ARID3A: variants seen among roughly 807,000 people sequenced by gnomAD.
The protein encoded by ARID3A is AT-rich interactive domain-containing protein 3A.
A neutral mutation model predicts 52.7 loss-of-function variants in ARID3A; 11 were observed. The ratio of observed to expected loss-of-function variants is 0.21; its 90% CI spans 0.13 to 0.35. The LOEUF (loss-of-function observed/expected upper bound fraction) is 0.35, where lower values mean the gene tolerates loss of function less well. Ranked by LOEUF, ARID3A falls within the 10% of genes least tolerant of loss-of-function variation. The probability of loss-of-function intolerance (pLI) is 1.00; values close to 1 mark genes in which losing one functional copy is unlikely to be tolerated. For missense variants in ARID3A, 721 were observed against 838.5 expected, an observed-to-expected ratio of 0.86 and a Z score of 1.73; for synonymous variants, 404 against 359.4, an observed-to-expected ratio of 1.12 and a Z score of -1.40.
intron 3 of ARID3A, among the ~76,000 whole-genome samples, chr19:952,981 CA>C (rs894795084): frequency 2.6e-5 from 4 of 152,162 alleles, no homozygotes; most frequent in African/African-American, 9.7e-5. Flanking sequence ...GGAGGGGCCG[CA>C]TGTGCTGGCC....
chr19:952,441 CAAAAAA>C (rs10663796), intron 3 of ARID3A, among the ~76,000 whole-genome samples: 161 of 59,774 alleles, frequency 2.7e-3, no homozygotes, highest in Admixed American at 7.3e-3. Context: ...GACCCTGTCT[CAAAAAA>C]AAAAAAAAAA....
At chr19:933,380 G>A (rs542979104) in intron 3 of ARID3A, among the ~76,000 whole-genome samples, 119 of 152,312 alleles carry the variant, frequency 7.8e-4, no homozygotes, top group African/African-American at 2.8e-3. Context: ...CAGAGGAAGT[G>A]GCCGGGCGGG....
chr19:930,788 C>G (rs936947363), intron 2 of ARID3A, among the ~76,000 whole-genome samples: 2 of 150,540 alleles, frequency 1.3e-5, no homozygotes, highest in Non-Finnish European at 3.0e-5. Flanking sequence ...GGATTACAGG[C>G]GTGAGCCACC....
intron 8 of ARID3A, 142 bp from the exon 9 acceptor site, chr19:971,736 C>G (rs2038279318): frequency 9.0e-7 from 1 of 1,113,510 alleles, no homozygotes; most frequent in African/African-American, 1.6e-5. Context: ...GCAGTGAGCT[C>G]TGATGCCACC....
At chr19:931,596 A>G (rs1400986790) in intron 2 of ARID3A, among the ~76,000 whole-genome samples, 1 of 152,094 alleles carries the variant, frequency 6.6e-6, no homozygotes, top group Non-Finnish European at 1.5e-5. Flanking sequence ...GCGGATCACG[A>G]GGTCAGGAGA....
At chr19:937,665 G>T (rs1171678781) in intron 3 of ARID3A, among the ~76,000 whole-genome samples, 2 of 144,756 alleles carry the variant, frequency 1.4e-5, no homozygotes, top group Non-Finnish European at 3.0e-5. Flanking sequence ...GTGGGTTCCA[G>T]TTCCTCTACA....
rs1220568143 is a variant in ARID3A, at chr19:944,201, G to A, written c.693+11459G>A. ...TGGGGACACAGCCGTGCATGAAGCA[G>A]AAGCTCCTGCCGCCGGCACTGGAGT... On this transcript the variant is annotated intron_variant, in intron 3 of 8. Transcript: ENST00000263620. The surrounding 1 kb of genome is among the most constrained non-coding windows in gnomAD (Gnocchi z 5.9). Among the ~76,000 whole-genome samples the A allele has an allele frequency of 6.6e-6, 1 of 151,998 alleles. No individual in the cohort carries two copies. The highest frequency in any genetic ancestry group is 2.4e-5 in the African/African-American group (1 of 41,222).
rs1408073339 is a variant in ARID3A, at chr19:964,053, C to T, written c.767-195C>T. The stretch of plus-strand genomic sequence containing the variant: ...AACCGAGGCAGAGCTGCCCCCTCTG[C>T]ACCCTCTCGAGCAGAGGTTCCCAGC... On this transcript the variant is annotated intron_variant, in intron 4 of 8. Transcript: ENST00000263620. This position sits in a 1 kb window ranked among gnomAD's most constrained non-coding sequence, Gnocchi z 5.7. Among the ~76,000 whole-genome samples the T allele has an allele frequency of 6.6e-6, 1 of 152,226 alleles. No individual in the cohort carries two copies. The highest frequency in any genetic ancestry group is 1.5e-5 in the Non-Finnish European group (1 of 68,046).
intron 3 of ARID3A, among the ~76,000 whole-genome samples, chr19:955,712 G>A (rs905478452): frequency 3.3e-5 from 5 of 152,192 alleles, no homozygotes; most frequent in Admixed American, 3.3e-4. Context: ...CCAGGGAAGG[G>A]GGGGTCCAGG....
chr19:968,969 G>A (rs1024225795), intron 8 of ARID3A, among the ~76,000 whole-genome samples: 16 of 152,060 alleles, frequency 1.1e-4, no homozygotes, highest in African/African-American at 1.9e-4. Context: ...CAGCATTTTC[G>A]GAGGCTGAGG....
At chr19:933,548 C>G (rs1383541949) in intron 3 of ARID3A, among the ~76,000 whole-genome samples, 1 of 152,142 alleles carries the variant, frequency 6.6e-6, no homozygotes, top group Non-Finnish European at 1.5e-5. Flanking sequence ...GGTCTGGGCT[C>G]CCGCAGGGAG....
At chr19:930,834 A>C (rs1159385244) in intron 2 of ARID3A, among the ~76,000 whole-genome samples, 1 of 151,902 alleles carries the variant, frequency 6.6e-6, no homozygotes, top group Non-Finnish European at 1.5e-5. Flanking sequence ...TAGTTAACTT[A>C]AAGCAACCTA....
At chr19:939,751 C>T (rs1004165647) in intron 3 of ARID3A, among the ~76,000 whole-genome samples, 2 of 152,146 alleles carry the variant, frequency 1.3e-5, no homozygotes, top group African/African-American at 2.4e-5. Context: ...GACACCCCCA[C>T]GTCCACACAC....
rs565586037 is a variant in ARID3A at position 974,802 on chromosome 19, G to A, written c.*2737G>A. 149 of 169,024 alleles carry A rather than the reference G, an allele frequency of 8.8e-4. No homozygotes were observed. Among genetic ancestry groups the A allele is most frequent in the Non-Finnish European group, 1.6e-3 (129 of 81,018 alleles). The allele number at this position is 169,024 out of a possible 1,614,324, so 10.5% of individuals were successfully genotyped here. The stretch of plus-strand genomic sequence containing the variant: ...CGATCCGGCCTCCCGGCGGTGGGTG[G>A]ACCTGGATTCTAACTCAGAGGACTT... On this transcript the variant is annotated 3_prime_UTR_variant, in exon 9 of 9. Coordinates refer to ENST00000263620, the MANE Select transcript of ARID3A (RefSeq NM_005224.3).
rs1415566563 is a variant in ARID3A at position 960,000 on chromosome 19, G to A, written c.694-92G>A. On this transcript the variant is annotated intron_variant, in intron 3 of 8. Transcript: ENST00000263620. The surrounding 1 kb of genome is among the most constrained non-coding windows in gnomAD (Gnocchi z 5.0). ...CCTAGGGGTGGTGACCCCTGCTCCTGTCCTCCTGACCTGGCCTCCAGTGCA... is the reference window on the plus strand; with the variant it reads ...CCTAGGGGTGGTGACCCCTGCTCCTATCCTCCTGACCTGGCCTCCAGTGCA... 2 of 1,163,996 alleles carry A rather than the reference G, an allele frequency of 1.7e-6. No homozygotes were observed. The highest frequency in any genetic ancestry group is 4.1e-5 in the Admixed American group (2 of 48,408). 72.1% of individuals were successfully genotyped at this position (1,163,996 alleles called of 1,614,324 possible).
In ARID3A at chr19:929,595, G is replaced by A; in HGVS notation, c.67G>A (p.Ala23Thr). ...RQQRARQELE[A>T]RQQLPPDPPA... is the part of the protein sequence containing the mutation. ...GCAGCGGGCGCGCCAGGAGCTGGAG[G>A]CCCGGCAGCAGCTGCCCCCCGATCC... Residue 23 changes from alanine to threonine, a missense_variant, in exon 2 of 9, where the codon GCC becomes ACC. By Grantham distance (58) the Ala-to-Thr change is moderately conservative. Around this residue, in one of 5 missense-constraint regions of ARID3A, gnomAD observed 349 missense variants for 297.3 expected, o/e 1.17. Coordinates refer to ENST00000263620, the MANE Select transcript of ARID3A (RefSeq NM_005224.3). This position sits in a 1 kb window ranked among gnomAD's most constrained non-coding sequence, Gnocchi z 6.2. 3 of 1,524,398 alleles carry A rather than the reference G, an allele frequency of 2.0e-6. No homozygotes were observed. The highest frequency in any genetic ancestry group is 2.6e-6 in the Non-Finnish European group (3 of 1,142,412). The allele number at this position is 1,524,398 out of a possible 1,614,324, so 94.4% of individuals were successfully genotyped here.
intron 3 of ARID3A, among the ~76,000 whole-genome samples, chr19:955,902 C>G (rs573663370): frequency 6.5e-4 from 99 of 152,264 alleles, no homozygotes; most frequent in Non-Finnish European, 1.3e-3. Flanking sequence ...GTCCTGGAGC[C>G]CAGAGTCCAA....
Position 964,198 on chromosome 19 carries a change from C to T in ARID3A, c.767-50C>T. On this transcript the variant is annotated intron_variant, in intron 4 of 8. Transcript: ENST00000263620. This position sits in a 1 kb window ranked among gnomAD's most constrained non-coding sequence, Gnocchi z 5.7. ...AGGGCGGAGGCCAGGACACTCGGCT[C>T]CCTGCAGTGCCCAGGTGGCCCCCAA... 1.3e-6 allele frequency: 2 copies of T among 1,517,116 alleles called. No individual in the cohort carries two copies. Among genetic ancestry groups the T allele is most frequent in the Non-Finnish European group, 1.8e-6 (2 of 1,107,062 alleles). The allele number at this position is 1,517,116 out of a possible 1,614,324, so 94.0% of individuals were successfully genotyped here. A position where few individuals can be genotyped will look rare whatever the true frequency, so the allele number is the denominator to read the frequency against.
Position 929,987 on chromosome 19 carries a change from G to A in ARID3A, c.368+91G>A, listed in dbSNP as rs955785487. 5.4e-6 allele frequency: 8 copies of A among 1,482,974 alleles called. No individual in the cohort carries two copies. Among genetic ancestry groups the A allele is most frequent in the Non-Finnish European group, 6.3e-6 (7 of 1,113,800 alleles). The allele number at this position is 1,482,974 out of a possible 1,614,324, so 91.9% of individuals were successfully genotyped here. On this transcript the variant is annotated intron_variant, in intron 2 of 8. Coordinates refer to ENST00000263620, the MANE Select transcript of ARID3A (RefSeq NM_005224.3). This position sits in a 1 kb window ranked among gnomAD's most constrained non-coding sequence, Gnocchi z 6.2. The stretch of plus-strand genomic sequence containing the variant: ...TCTGCAGAATGGGAGTAAGGGTCAG[G>A]TCGCGGGATCTCCTTCCTGTAATTC...
Sources: allele counts gnomAD v4.1 joint callset (sites outside exome capture counted in the v4.1 genomes callset), GRCh38; gene constraint gnomAD v4.1.1; regional missense constraint gnomAD v4.1.1; non-coding constraint Gnocchi (gnomAD v3.1); transcripts MANE v1.5; gene names NCBI Gene and HGNC (gene_info 2026-07-23, HGNC 2026-07-21).